The following NSD3 variants were observed in gnomAD, a reference collection of about 807,000 sequenced individuals.
The protein encoded by NSD3 is histone-lysine N-methyltransferase NSD3.
In NSD3, 24 loss-of-function variants were observed where a neutral mutation model predicts 160.8. That is an observed-to-expected ratio of 0.15 (90% CI 0.11 to 0.21). NSD3 has a LOEUF of 0.21. Ranked by LOEUF, NSD3 falls within the 10% of genes least tolerant of loss-of-function variation. NSD3 has a pLI of 1.00. For missense variants in NSD3, 1,157 were observed against 1,735.9 expected (o/e 0.67, Z 5.93); for synonymous variants, 520 against 600.0 (o/e 0.87, Z 1.95).
chr8:38,372,870 G>A (rs1194446311), intron 1 of NSD3, among the ~76,000 whole-genome samples: 2 of 145,388 alleles, frequency 1.4e-5, no homozygotes, highest in Non-Finnish European at 3.0e-5. Flanking sequence ...GGCCAATATA[G>A]CGAAACCCAG....
At position 38,319,049 on chromosome 8, in the gene NSD3, T is replaced by A; in HGVS notation, c.1810-109A>T. 1.0e-6 allele frequency: 1 copy of A among 997,422 alleles called. No homozygotes were observed. The highest frequency in any genetic ancestry group is 1.5e-6 in the Non-Finnish European group (1 of 664,414). 61.8% of individuals were successfully genotyped at this position (997,422 alleles called of 1,614,324 possible). ...TCTAAGCAATGATGAGTGATTAATGTATCTGAAATCTGAACTCAGTCCCAT... is the reference window on the plus strand; with the variant it reads ...TCTAAGCAATGATGAGTGATTAATGAATCTGAAATCTGAACTCAGTCCCAT... On this transcript the variant is annotated intron_variant, in intron 8 of 23. Transcript: ENST00000317025. The surrounding 1 kb of genome is among the most constrained non-coding windows in gnomAD (Gnocchi z 4.1).
At chr8:38,323,540 G>A (rs1390257721) in intron 7 of NSD3, among the ~76,000 whole-genome samples, 116 of 152,192 alleles carry the variant, frequency 7.6e-4, no homozygotes, top group Non-Finnish European at 5.9e-5. Flanking sequence ...TGTTCAGGCT[G>A]GGCACAGCGA....
chr8:38,358,862 C>T (rs971253278), intron 1 of NSD3, among the ~76,000 whole-genome samples: 3 of 151,884 alleles, frequency 2.0e-5, no homozygotes, highest in East Asian at 1.9e-4. Flanking sequence ...GGGAGATTCT[C>T]GTTTTACAAT....
Position 38,289,435 on chromosome 8 carries a change from A to G in NSD3, c.3189T>C (p.Ile1063=), listed in dbSNP as rs1406713326. 2.5e-6 allele frequency: 4 copies of G among 1,613,550 alleles called. No homozygotes were observed. In the East Asian group the frequency reaches 6.7e-5, roughly 27 times the overall value. Residue 1063 remains isoleucine, a synonymous_variant, in exon 18 of 24, where the codon ATT becomes ATC. Coordinates refer to ENST00000317025, the MANE Select transcript of NSD3 (RefSeq NM_023034.2). ...GAGGGGGTTTTCTTGAGTTTTTTTCAATCTCTAGGGCTTCTTTACTTTCTC... is the reference window on the plus strand; with the variant it reads ...GAGGGGGTTTTCTTGAGTTTTTTTCGATCTCTAGGGCTTCTTTACTTTCTC... ...AQRESKEALE[I]EKNSRKPPPY...
chr8:38,370,103 A>G (rs1362428861), intron 1 of NSD3, among the ~76,000 whole-genome samples: 1 of 152,130 alleles, frequency 6.6e-6, no homozygotes, highest in East Asian at 1.9e-4. Flanking sequence ...CAGCCCACCC[A>G]GTTTTTAAAA....
Position 38,315,430 on chromosome 8 carries a change from CCTT to C in NSD3, c.2098_2100del (p.Lys700del), listed in dbSNP as rs1421928973. On this transcript the variant is annotated inframe_deletion, in exon 11 of 24. Coordinates refer to ENST00000317025, the MANE Select transcript of NSD3 (RefSeq NM_023034.2). ...TACCTGCCTACCTGACATACAGTGT[CCTT>C]CTTACTCATTCCAGTGCCTCTTCTC... The C allele has an allele frequency of 6.3e-7, 1 of 1,592,074 alleles. No individual in the cohort carries two copies. The highest frequency in any genetic ancestry group is 2.2e-5 in the East Asian group (1 of 44,506).
rs998810305 is a variant in NSD3 at position 38,316,268 on chromosome 8, C to A, written c.1856-226G>T. ...CTCTATCAAAACATTTAATTCAGTT[C>A]TCCTCTCTAAAGCTATTTTCAGTCA... On this transcript the variant is annotated intron_variant, in intron 9 of 23. Transcript: ENST00000317025. This position sits in a 1 kb window ranked among gnomAD's most constrained non-coding sequence, Gnocchi z 4.5. The A allele has an allele frequency of 1.1e-6, 1 of 909,718 alleles. No homozygotes were observed. Among genetic ancestry groups the A allele is most frequent in the South Asian group, 2.8e-5 (1 of 35,984 alleles). The allele number at this position is 909,718 out of a possible 1,614,324, so 56.4% of individuals were successfully genotyped here. A position where few individuals can be genotyped will look rare whatever the true frequency, so the allele number is the denominator to read the frequency against.
At chr8:38,367,104 A>G (rs182806875) in intron 1 of NSD3, among the ~76,000 whole-genome samples, 2 of 152,236 alleles carry the variant, frequency 1.3e-5, no homozygotes, top group Non-Finnish European at 2.9e-5. Flanking sequence ...TGCCAGAGTA[A>G]GACAAACTCA....
At chr8:38,350,481 CTTCTT>C (rs1810663996) in intron 1 of NSD3, among the ~76,000 whole-genome samples, 1 of 152,160 alleles carries the variant, frequency 6.6e-6, no homozygotes, top group African/African-American at 2.4e-5. Flanking sequence ...GCATAAATGT[CTTCTT>C]TTGAGACGTA....
chr8:38,355,497 T>C (rs867453769), intron 1 of NSD3, among the ~76,000 whole-genome samples: 2 of 151,908 alleles, frequency 1.3e-5, no homozygotes, highest in South Asian at 4.1e-4. Context: ...ACACATAAAA[T>C]AGTAGCAAAC....
chr8:38,283,648 T>A (rs1563341743), intron 19 of NSD3, among the ~76,000 whole-genome samples: 1 of 152,162 alleles, frequency 6.6e-6, no homozygotes, highest in Non-Finnish European at 1.5e-5. Flanking sequence ...CCTCCCTGCC[T>A]CTTCCTTTGG....
intron 12 of NSD3, among the ~76,000 whole-genome samples, chr8:38,312,494 A>G (rs532650813): frequency 6.6e-6 from 1 of 152,010 alleles, no homozygotes; most frequent in Admixed American, 6.6e-5. Flanking sequence ...TATACTTTGG[A>G]TATTTGTCCC....
At chr8:38,337,109 T>C (rs1247682807) in intron 4 of NSD3, among the ~76,000 whole-genome samples, 196 bp downstream of exon 4, 2 of 140,572 alleles carry the variant, frequency 1.4e-5, no homozygotes, top group African/African-American at 5.4e-5. Flanking sequence ...GCCATTGCAC[T>C]CCAGCCTGGG....
Position 38,315,549 on chromosome 8 carries a change from A to G in NSD3, c.1987-5T>C, listed in dbSNP as rs1809639282. The stretch of plus-strand genomic sequence containing the variant: ...TACTTGCTTTCCAAAGCCTACCTAC[A>G]TAGAAAACATAGCATTTTTAAGAAA... On this transcript the variant is annotated splice_polypyrimidine_tract_variant and splice_region_variant and intron_variant, in intron 10 of 23. Transcript: ENST00000317025. 3 of 1,612,362 alleles carry G rather than the reference A, an allele frequency of 1.9e-6. No homozygotes were observed. The highest frequency in any genetic ancestry group is 2.2e-5 in the East Asian group (1 of 44,856).
chr8:38,329,543 A>C lies in NSD3; in HGVS notation c.1416T>G (p.Thr472=). The change falls in exon 6 of 24, where the codon ACT becomes ACG. Residue 472 remains threonine (T), a synonymous_variant. Coordinates refer to ENST00000317025, the MANE Select transcript of NSD3 (RefSeq NM_023034.2). The surrounding 1 kb of genome is among the most constrained non-coding windows in gnomAD (Gnocchi z 4.8). ...EPPPVKIAWK[T]AAARKSLPAS... Reference sequence around the variant, plus strand: ...CTGGTAAGGATTTCCTTGCTGCCGCAGTTTTCCAGGCTATTTTAACAGGCG... The same window carrying C: ...CTGGTAAGGATTTCCTTGCTGCCGCCGTTTTCCAGGCTATTTTAACAGGCG... 1 of 1,614,186 alleles carries C rather than the reference A, an allele frequency of 6.2e-7. No individual in the cohort carries two copies. Among genetic ancestry groups the C allele is most frequent in the Non-Finnish European group, 8.5e-7 (1 of 1,180,026 alleles).
At position 38,329,567 on chromosome 8, in the gene NSD3, C is replaced by A; in HGVS notation, c.1392G>T (p.Pro464=). The change falls in exon 6 of 24, where the codon CCG becomes CCT. Residue 464 remains proline (P), a synonymous_variant. Coordinates refer to ENST00000317025, the MANE Select transcript of NSD3 (RefSeq NM_023034.2). The surrounding 1 kb of genome is among the most constrained non-coding windows in gnomAD (Gnocchi z 4.8). ...RHTSAEEEEP[P]PVKIAWKTAA... is the part of the protein sequence containing the mutation. ...CAGTTTTCCAGGCTATTTTAACAGG[C>A]GGTGGCTCTTCCTCTTCCGCACTTG... is the stretch of plus-strand genomic sequence containing the variant. 1 of 1,614,200 alleles carries A rather than the reference C, an allele frequency of 6.2e-7. No homozygotes were observed. The highest frequency in any genetic ancestry group is 8.5e-7 in the Non-Finnish European group (1 of 1,180,042).
rs946307974 is a variant in NSD3 at position 38,348,255 on chromosome 8, C to A, written c.-44-40G>T. 6 of 1,451,106 alleles carry A rather than the reference C, an allele frequency of 4.1e-6. No homozygotes were observed. In the African/African-American group the frequency reaches 8.5e-5, roughly 21 times the overall value. The allele number at this position is 1,451,106 out of a possible 1,614,324, so 89.9% of individuals were successfully genotyped here. A position where few individuals can be genotyped will look rare whatever the true frequency, so the allele number is the denominator to read the frequency against. The stretch of plus-strand genomic sequence containing the variant: ...GAGGGGATTAGAAGGTGTTACTATT[C>A]TCATAGGCTAGAGGCTAATCAACTG... On this transcript the variant is annotated intron_variant, in intron 1 of 23. Transcript: ENST00000317025.
At chr8:38,372,027 G>C (rs754213117) in intron 1 of NSD3, among the ~76,000 whole-genome samples, 4 of 152,198 alleles carry the variant, frequency 2.6e-5, no homozygotes, top group Non-Finnish European at 5.9e-5. Flanking sequence ...AAGTACCAAG[G>C]ATGAAGGGTC....
Position 38,271,450 on chromosome 8 carries a change from C to T in NSD3, c.*4191G>A, listed in dbSNP as rs1325662731. The T allele has an allele frequency of 6.6e-6, 1 of 151,962 alleles. No homozygotes were observed. Among genetic ancestry groups the T allele is most frequent in the Non-Finnish European group, 1.5e-5 (1 of 67,988 alleles). 9.4% of individuals were successfully genotyped at this position (151,962 alleles called of 1,614,324 possible). On this transcript the variant is annotated 3_prime_UTR_variant, in exon 24 of 24. Coordinates refer to ENST00000317025, the MANE Select transcript of NSD3 (RefSeq NM_023034.2). ...AAGGGGGTTCCCTTTCTCCTGGTAC[C>T]CCACCCCAGGTAAAAGTTGGTGAGA...
Sources: allele counts gnomAD v4.1 joint callset (sites outside exome capture counted in the v4.1 genomes callset), GRCh38; gene constraint gnomAD v4.1.1; non-coding constraint Gnocchi (gnomAD v3.1); transcripts MANE v1.5; gene names NCBI Gene and HGNC (gene_info 2026-07-23, HGNC 2026-07-21).